Variants in NRXN3 observed in about 807,000 individuals in gnomAD.
NRXN3 encodes neurexin 3.
In NRXN3, 32 loss-of-function variants were observed where a neutral mutation model predicts 137.6. That is an observed-to-expected ratio of 0.23 (90% CI 0.18 to 0.31). NRXN3 has a LOEUF of 0.31. Among genes scored for constraint, NRXN3 ranks in the 10% least tolerant of loss-of-function variants. The probability of loss-of-function intolerance (pLI) is 1.00; values close to 1 mark genes in which losing one functional copy is unlikely to be tolerated. For missense variants in NRXN3, 1,574 were observed against 2,062.5 expected (o/e 0.76, Z 4.59); for synonymous variants, 798 against 784.5 (o/e 1.02, Z -0.29).
At chr14:79,117,223 A>G (rs561999556) in intron 15 of NRXN3, among the ~76,000 whole-genome samples, 34 of 152,290 alleles carry the variant, frequency 2.2e-4, no homozygotes, top group African/African-American at 7.5e-4. Flanking sequence ...AGTTTATCCT[A>G]TATCTTCTTC....
At chr14:78,326,179 A>T (rs2080057068) in intron 4 of NRXN3, among the ~76,000 whole-genome samples, 1 of 152,156 alleles carries the variant, frequency 6.6e-6, no homozygotes, top group Admixed American at 6.6e-5. Flanking sequence ...TTTTATGGGG[A>T]GTAGAGTGAT....
intron 5 of NRXN3, 30 bp from the exon 6 acceptor site, chr14:78,651,135 A>T (rs990667893): frequency 1.9e-6 from 3 of 1,602,432 alleles, no homozygotes; most frequent in African/African-American, 2.7e-5. Context: ...CATTGTTGGG[A>T]TTTTTTTTGT....
intron 16 of NRXN3, among the ~76,000 whole-genome samples, chr14:79,634,516 C>T (rs774228732): frequency 4.6e-5 from 7 of 152,112 alleles, no homozygotes; most frequent in African/African-American, 7.2e-5. Context: ...GGAAAACATG[C>T]CTGAAAGTAG....
intron 4 of NRXN3, among the ~76,000 whole-genome samples, chr14:78,335,175 A>T (rs1369848227): frequency 1.3e-5 from 2 of 152,200 alleles, no homozygotes; most frequent in Non-Finnish European, 2.9e-5. Flanking sequence ...ATTCTCCTGA[A>T]GTCTGCACTT....
At chr14:79,408,743 T>A (rs554266675) in intron 15 of NRXN3, among the ~76,000 whole-genome samples, 1 of 152,180 alleles carries the variant, frequency 6.6e-6, no homozygotes, top group South Asian at 2.1e-4. Flanking sequence ...TAAGAGCACA[T>A]ATTTCCAGGC....
At chr14:79,656,154 AG>A (rs2098504414) in intron 16 of NRXN3, among the ~76,000 whole-genome samples, 2 of 152,228 alleles carry the variant, frequency 1.3e-5, no homozygotes, top group African/African-American at 4.8e-5. Flanking sequence ...GTGTGAGCAC[AG>A]GGCTTAAGGT....
chr14:78,224,783 G>A lies in NRXN3; in HGVS notation c.-703-17608G>A, dbSNP rs1476405189. ...TTTTTTTTTTTTTTTTTTTTGAGAC[G>A]GAGTCTCGCTCTGTCGCCCAGGCTG... On this transcript the variant is annotated intron_variant, in intron 1 of 20. Transcript: ENST00000335750. Among the ~76,000 whole-genome samples, 16 of 80,672 alleles carry A rather than the reference G, an allele frequency of 2.0e-4. No homozygotes were observed. In the Admixed American group the frequency reaches 2.6e-3, roughly 13 times the overall value. The allele number at this position is 80,672 out of a possible 152,430, so 52.9% of individuals were successfully genotyped here. A position where few individuals can be genotyped will look rare whatever the true frequency, so the allele number is the denominator to read the frequency against.
intron 3 of NRXN3, among the ~76,000 whole-genome samples, chr14:78,293,637 C>G (rs545123639): frequency 6.6e-6 from 1 of 152,154 alleles, no homozygotes; most frequent in African/African-American, 2.4e-5. Context: ...CCGTCTCTTT[C>G]CCCCTGATCC....
At chr14:79,041,590 A>C (rs186833187) in intron 15 of NRXN3, among the ~76,000 whole-genome samples, 2 of 152,332 alleles carry the variant, frequency 1.3e-5, no homozygotes, top group Non-Finnish European at 2.9e-5. Flanking sequence ...CCTTGTGCTT[A>C]AAATTATTAT....
chr14:78,267,990 A>G (rs1012823842), intron 2 of NRXN3, among the ~76,000 whole-genome samples: 2 of 152,322 alleles, frequency 1.3e-5, no homozygotes, highest in African/African-American at 4.8e-5. Context: ...TGAGAACAAA[A>G]AAAGGGTGAG....
At chr14:79,445,362 A>G (rs1188362304) in intron 15 of NRXN3, among the ~76,000 whole-genome samples, 2 of 152,054 alleles carry the variant, frequency 1.3e-5, no homozygotes, top group Non-Finnish European at 1.5e-5. Context: ...AAGAAAGAAA[A>G]AAAGAAAAAA....
intron 10 of NRXN3, among the ~76,000 whole-genome samples, chr14:78,943,640 A>C (rs1316508706): frequency 2.3e-5 from 1 of 44,200 alleles, no homozygotes; most frequent in African/African-American, 1.8e-4. Context: ...ATATATATAT[A>C]TATATATATA....
At position 79,526,631 on chromosome 14, in the gene NRXN3, G is replaced by A. The variant is rs146486475; in HGVS notation, c.3444+59229G>A. Among the ~76,000 whole-genome samples the A allele has an allele frequency of 1.9e-3, 287 of 152,214 alleles. 3 individuals carry two copies. The highest frequency in any genetic ancestry group is 6.6e-3 in the African/African-American group (276 of 41,526). On this transcript the variant is annotated intron_variant, in intron 16 of 20. Transcript: ENST00000335750. ...ATCAAATATTTATTAGCTGCATACC[G>A]TGTGCCAGATACAGAGCCAGACACT...
chr14:79,224,129 T>C (rs931040017), intron 15 of NRXN3, among the ~76,000 whole-genome samples: 4 of 152,186 alleles, frequency 2.6e-5, no homozygotes, highest in Admixed American at 2.6e-4. Context: ...TCTTGGGAAC[T>C]GTCTTCGTTA....
At chr14:78,821,995 C>T (rs2098952197) in intron 10 of NRXN3, among the ~76,000 whole-genome samples, 1 of 152,122 alleles carries the variant, frequency 6.6e-6, no homozygotes, top group South Asian at 2.1e-4. Context: ...TATCCATCCT[C>T]CTACATATCT....
intron 16 of NRXN3, among the ~76,000 whole-genome samples, chr14:79,504,741 A>G (rs1429246586): frequency 2.0e-5 from 3 of 149,710 alleles, no homozygotes; most frequent in African/African-American, 4.9e-5. Flanking sequence ...ATGATGGTTT[A>G]TTTGGGTTTA....
intron 8 of NRXN3, among the ~76,000 whole-genome samples, chr14:78,732,116 TCTC>T (rs1263723646): frequency 6.6e-6 from 1 of 152,138 alleles, no homozygotes; most frequent in Non-Finnish European, 1.5e-5. Context: ...CAGGGGATAT[TCTC>T]CTATTAGCAA....
chr14:78,284,228 T>C (rs1436342189), intron 3 of NRXN3, among the ~76,000 whole-genome samples: 1 of 152,346 alleles, frequency 6.6e-6, no homozygotes, highest in East Asian at 1.9e-4. Context: ...GCATATCTGA[T>C]TGCCTCCATT....
chr14:78,964,531 TTA>T (rs2099413856), intron 11 of NRXN3, among the ~76,000 whole-genome samples: 1 of 152,200 alleles, frequency 6.6e-6, no homozygotes, highest in Non-Finnish European at 1.5e-5. Context: ...ATATTTCTGA[TTA>T]TGTCACTTCT....
Sources: allele counts gnomAD v4.1 joint callset (sites outside exome capture counted in the v4.1 genomes callset), GRCh38; gene constraint gnomAD v4.1.1; transcripts MANE v1.5; gene names NCBI Gene and HGNC (gene_info 2026-07-23, HGNC 2026-07-21).